The following DGKI variants were observed in gnomAD, a reference collection of about 807,000 sequenced individuals.
The protein encoded by DGKI is diacylglycerol kinase iota, also known as DAG kinase iota.
DGKI carries 55 observed loss-of-function variants against 147.5 expected under a neutral mutation model. The ratio of observed to expected loss-of-function variants is 0.37; its 90% CI spans 0.30 to 0.47. The LOEUF (loss-of-function observed/expected upper bound fraction) is 0.47, where lower values mean the gene tolerates loss of function less well. DGKI is among the 20% of genes least tolerant of loss of function. The pLI is 1.00. For synonymous variants in DGKI, 469 were observed against 477.1 expected, an observed-to-expected ratio of 0.98 and a Z score of 0.22; for missense variants, 1,007 against 1,323.8, an observed-to-expected ratio of 0.76 and a Z score of 3.71.
chr7:137,672,345 T>C (rs939044219), intron 3 of DGKI, among the ~76,000 whole-genome samples: 1 of 152,334 alleles, frequency 6.6e-6, no homozygotes, highest in African/African-American at 2.4e-5. Context: ...TCTTTATCTT[T>C]AGGTAGAAGT....
rs547370779 is a variant in DGKI, at chr7:137,756,515, C to T, written c.402-66513G>A. 5.3e-5 allele frequency among the ~76,000 whole-genome samples: 8 copies of T among 152,114 alleles called. No individual in the cohort carries two copies. In the East Asian group the frequency reaches 1.2e-3, roughly 22 times the overall value. On this transcript the variant is annotated intron_variant, in intron 1 of 32. Transcript: ENST00000614521. The stretch of plus-strand genomic sequence containing the variant: ...GAAAGTAAGATCGGCAAACAAAATC[C>T]AATTAAGGAATTCACCAAATAAAAA...
At chr7:137,783,298 CT>C (rs1017913725) in intron 1 of DGKI, among the ~76,000 whole-genome samples, 2 of 152,158 alleles carry the variant, frequency 1.3e-5, no homozygotes, top group African/African-American at 4.8e-5. Flanking sequence ...ATCACAACTT[CT>C]GGAAATCAAG....
In DGKI at chr7:137,582,430, C is replaced by A. The variant is rs1417359456; in HGVS notation, c.1564-502G>T. 4.0e-5 allele frequency among the ~76,000 whole-genome samples: 6 copies of A among 150,428 alleles called. No homozygotes were observed. The East Asian group carries it at 1.2e-3, about 29-fold the overall frequency. ...TCACCCATTTTCTCTCTCTCTCTCT[C>A]TCTCTATATATATATATATATACAC... On this transcript the variant is annotated intron_variant, in intron 14 of 32. Coordinates refer to ENST00000614521, the MANE Select transcript of DGKI (RefSeq NM_001321708.2).
At chr7:137,733,320 T>C (rs1794936062) in intron 1 of DGKI, among the ~76,000 whole-genome samples, 1 of 152,050 alleles carries the variant, frequency 6.6e-6, no homozygotes, top group African/African-American at 2.4e-5. Flanking sequence ...TTAAGTACCT[T>C]ATTTAAGTGA....
At chr7:137,639,145 C>T (rs540318035) in intron 6 of DGKI, among the ~76,000 whole-genome samples, 3 of 152,272 alleles carry the variant, frequency 2.0e-5, no homozygotes, top group East Asian at 1.9e-4. Context: ...AATGTTTTTA[C>T]TTGCTAATAT....
At chr7:137,602,168 TCA>T (rs1332509376) in intron 10 of DGKI, among the ~76,000 whole-genome samples, 1 of 152,218 alleles carries the variant, frequency 6.6e-6, no homozygotes, top group African/African-American at 2.4e-5. Flanking sequence ...AGTTCTTTGT[TCA>T]GTTTTAGATT....
At chr7:137,554,777 C>T (rs1001465065) in intron 19 of DGKI, among the ~76,000 whole-genome samples, 5 of 151,752 alleles carry the variant, frequency 3.3e-5, no homozygotes, top group Non-Finnish European at 7.4e-5. Flanking sequence ...ATTCCTGGAA[C>T]AAAGTACCCG....
intron 21 of DGKI, among the ~76,000 whole-genome samples, chr7:137,508,406 T>G (rs1816447684): frequency 6.6e-6 from 1 of 151,916 alleles, no homozygotes; most frequent in South Asian, 2.1e-4. Context: ...TTTTGTATTT[T>G]TAGTAGAGAC....
chr7:137,829,387 C>T (rs1798156655), intron 1 of DGKI, among the ~76,000 whole-genome samples: 1 of 152,214 alleles, frequency 6.6e-6, no homozygotes, highest in African/African-American at 2.4e-5. Context: ...AATTCAAGAA[C>T]TTCATCATTC....
chr7:137,582,515 G>A (rs1819239980), intron 14 of DGKI, among the ~76,000 whole-genome samples: 1 of 150,518 alleles, frequency 6.6e-6, no homozygotes, highest in Non-Finnish European at 1.5e-5. Context: ...TGACCCATTG[G>A]TTATTGCTGG....
At chr7:137,733,414 G>A (rs555917253) in intron 1 of DGKI, among the ~76,000 whole-genome samples, 23 of 152,168 alleles carry the variant, frequency 1.5e-4, no homozygotes, top group African/African-American at 5.3e-4. Context: ...GTAACATGTG[G>A]CAGAATCCTC....
intron 1 of DGKI, among the ~76,000 whole-genome samples, chr7:137,781,356 A>T (rs2116888908): frequency 6.6e-6 from 1 of 152,348 alleles, no homozygotes; most frequent in East Asian, 1.9e-4. Context: ...TTGGGCAAAG[A>T]ATACACAAAA....
intron 16 of DGKI, among the ~76,000 whole-genome samples, chr7:137,577,977 G>A (rs1819046795): frequency 6.6e-6 from 1 of 152,118 alleles, no homozygotes; most frequent in Non-Finnish European, 1.5e-5. Context: ...CACTGGCTTT[G>A]ATGTTTGTTT....
intron 27 of DGKI, among the ~76,000 whole-genome samples, chr7:137,455,648 G>T (rs897815025): frequency 8.7e-6 from 1 of 114,980 alleles, no homozygotes; most frequent in African/African-American, 3.1e-5. Flanking sequence ...AAGGGGGGGG[G>T]GCGGGGAATG....
chr7:137,829,940 G>A (rs903266757), intron 1 of DGKI, among the ~76,000 whole-genome samples: 4 of 152,100 alleles, frequency 2.6e-5, no homozygotes, highest in Non-Finnish European at 5.9e-5. Context: ...ATAGTAAATA[G>A]AACTTAAGAG....
At chr7:137,742,630 C>T (rs1245344285) in intron 1 of DGKI, among the ~76,000 whole-genome samples, 2 of 151,996 alleles carry the variant, frequency 1.3e-5, no homozygotes, top group Non-Finnish European at 2.9e-5. Flanking sequence ...AATACCCATG[C>T]TTAAAACACA....
At chr7:137,770,195 T>C (rs1292733058) in intron 1 of DGKI, among the ~76,000 whole-genome samples, 8 of 152,154 alleles carry the variant, frequency 5.3e-5, no homozygotes, top group Non-Finnish European at 8.8e-5. Flanking sequence ...AAGCCATCAT[T>C]CTCAGCAAAC....
chr7:137,578,387 G>A (rs772089522), intron 15 of DGKI, 62 bp from the exon 16 acceptor site: 24 of 1,196,546 alleles, frequency 2.0e-5, no homozygotes, highest in Non-Finnish European at 3.0e-5. Flanking sequence ...ACTTAGATTA[G>A]CACTCCTACT....
chr7:137,516,554 A>T (rs943817238), intron 21 of DGKI, among the ~76,000 whole-genome samples: 23 of 152,074 alleles, frequency 1.5e-4, no homozygotes, highest in East Asian at 1.9e-4. Flanking sequence ...CACATTTTTT[A>T]AAAAAAGAAA....
Sources: allele counts gnomAD v4.1 joint callset (sites outside exome capture counted in the v4.1 genomes callset), GRCh38; gene constraint gnomAD v4.1.1; transcripts MANE v1.5; gene names NCBI Gene and HGNC (gene_info 2026-07-23, HGNC 2026-07-21).